TENM2: variants seen among roughly 807,000 people sequenced by gnomAD.
TENM2 encodes teneurin-2.
In TENM2, 52 loss-of-function variants were observed where a neutral mutation model predicts 245.2. The ratio of observed to expected loss-of-function variants is 0.21; its 90% confidence interval spans 0.17 to 0.27. TENM2 has a LOEUF of 0.27. Ranked by LOEUF, TENM2 falls within the 10% of genes least tolerant of loss-of-function variation. The pLI, the probability that TENM2 is intolerant of heterozygous loss-of-function variation, is 1.00. For missense variants in TENM2, 3,046 were observed against 3,666.8 expected (o/e 0.83, Z 4.37); for synonymous variants, 1,363 against 1,438.9 (o/e 0.95, Z 1.19).
chr5:167,428,690 C>A (rs910709120), intron 2 of TENM2, among the ~76,000 whole-genome samples: 4 of 152,080 alleles, frequency 2.6e-5, no homozygotes, highest in African/African-American at 9.7e-5. Context: ...AATTGAGTGG[C>A]CTTGTTTTAG....
At chr5:167,792,200 A>G (rs1323519667) in intron 2 of TENM2, among the ~76,000 whole-genome samples, 1 of 152,090 alleles carries the variant, frequency 6.6e-6, no homozygotes, top group African/African-American at 2.4e-5. Context: ...TAAGTAAATC[A>G]TAACAGCCCT....
chr5:167,883,173 A>G (rs1426900747), intron 3 of TENM2, among the ~76,000 whole-genome samples: 1 of 152,194 alleles, frequency 6.6e-6, no homozygotes. Flanking sequence ...GAGAGAAAGT[A>G]CAGCTCCACC....
At chr5:167,515,619 A>ATATATG in intron 2 of TENM2, among the ~76,000 whole-genome samples, 1 of 108,550 alleles carries the variant, frequency 9.2e-6, no homozygotes, top group Non-Finnish European at 1.9e-5. Flanking sequence ...ATATATATAT[A>ATATATG]CATATATATA....
chr5:167,505,229 T>A (rs1467821323), intron 2 of TENM2, among the ~76,000 whole-genome samples: 7 of 152,206 alleles, frequency 4.6e-5, no homozygotes, highest in Middle Eastern at 3.2e-3. Context: ...ATGTTATCAT[T>A]TTCTTGGTTT....
intron 8 of TENM2, among the ~76,000 whole-genome samples, chr5:168,097,658 G>T (rs1325965472): frequency 6.6e-6 from 1 of 151,814 alleles, no homozygotes; most frequent in Non-Finnish European, 1.5e-5. Flanking sequence ...TACCATGTTG[G>T]CCAGGCTAGT....
rs1377306864 is a variant in TENM2, at chr5:168,218,625, T to A, written c.4734T>A (p.Asn1578Lys). 6 of 1,613,938 alleles carry A rather than the reference T, an allele frequency of 3.7e-6. 1 individual carries two copies. In the Admixed American group the frequency reaches 1.0e-4, roughly 27 times the overall value. ...TCAGCAAGAACAAGCCTGTTCTTAA[T>A]GCCTTCAACCAGTATGAGGCTGCAT... The change falls in exon 23 of 29, where the codon AAT becomes AAA. Residue 1578 changes from asparagine to lysine, a missense_variant. Around this residue, in one of 2 missense-constraint regions of TENM2, gnomAD observed 2,704 missense variants for 3,331.9 expected, o/e 0.81. Coordinates refer to ENST00000518659, the Ensembl canonical transcript of TENM2. The surrounding 1 kb of genome is among the most constrained non-coding windows in gnomAD (Gnocchi z 5.2).
the TENM2 span, among the ~76,000 whole-genome samples, chr5:167,070,629 T>TGTTATTAC: frequency 6.6e-6 from 1 of 151,780 alleles, no homozygotes; most frequent in Non-Finnish European, 1.5e-5. Context: ...ATTATTATTA[T>TGTTATTAC]TGTTATTATC....
the TENM2 span, among the ~76,000 whole-genome samples, chr5:167,194,380 T>G: frequency 2.8e-4 from 42 of 152,152 alleles, no homozygotes; most frequent in African/African-American, 9.9e-4. Context: ...TGACCCACTT[T>G]AGGCAAGATT....
intron 13 of TENM2, chr5:168,187,831 G>C (rs1760610080): frequency 6.6e-6 from 1 of 152,194 alleles, no homozygotes; most frequent in Non-Finnish European, 1.5e-5. Flanking sequence ...GGTTTGCCAG[G>C]CTCCGGGGAA....
intron 13 of TENM2, among the ~76,000 whole-genome samples, chr5:168,172,067 G>A (rs1166898805): frequency 5.9e-5 from 9 of 152,198 alleles, no homozygotes; most frequent in African/African-American, 2.2e-4. Flanking sequence ...GCTCACCCAG[G>A]AACATCTGGC....
chr5:167,989,610 A>G (rs997696033), intron 4 of TENM2, among the ~76,000 whole-genome samples: 7 of 152,130 alleles, frequency 4.6e-5, no homozygotes, highest in Non-Finnish European at 1.0e-4. Context: ...TCAGGCATGG[A>G]AGGATAACCA....
At chr5:167,975,469 G>T (rs1215324351) in intron 4 of TENM2, among the ~76,000 whole-genome samples, 2 of 149,562 alleles carry the variant, frequency 1.3e-5, no homozygotes, top group Non-Finnish European at 3.0e-5. Context: ...TTTTTTTGAC[G>T]ACTGAAATAT....
intron 2 of TENM2, among the ~76,000 whole-genome samples, chr5:167,821,909 C>T (rs1242339017): frequency 6.6e-6 from 1 of 152,078 alleles, no homozygotes; most frequent in Non-Finnish European, 1.5e-5. Flanking sequence ...GCCCCGCGTA[C>T]TTCTCTCTGC....
At chr5:167,102,986 A>G in the TENM2 span, among the ~76,000 whole-genome samples, 1 of 152,116 alleles carries the variant, frequency 6.6e-6, no homozygotes, top group African/African-American at 2.4e-5. Context: ...TTGTAACGAT[A>G]TTGCTTAGAT....
the TENM2 span, among the ~76,000 whole-genome samples, chr5:167,063,862 C>A: frequency 1.3e-5 from 2 of 152,160 alleles, no homozygotes; most frequent in African/African-American, 2.4e-5. Flanking sequence ...TATATTCACA[C>A]CCTGAAAGCT....
intron 5 of TENM2, among the ~76,000 whole-genome samples, chr5:168,015,533 C>T (rs576395706): frequency 2.0e-5 from 3 of 152,286 alleles, no homozygotes; most frequent in South Asian, 4.2e-4. Flanking sequence ...GAAAGAATGC[C>T]GCAAAGAAGA....
At chr5:168,112,185 T>C (rs953686133) in intron 9 of TENM2, among the ~76,000 whole-genome samples, 4 of 152,138 alleles carry the variant, frequency 2.6e-5, no homozygotes, top group African/African-American at 9.7e-5. Context: ...AATACTTTGG[T>C]AGTTTTTGTT....
intron 12 of TENM2, among the ~76,000 whole-genome samples, chr5:168,152,811 G>C (rs976672090): frequency 3.9e-5 from 6 of 152,076 alleles, no homozygotes; most frequent in Non-Finnish European, 5.9e-5. Context: ...CAGTCCAGAG[G>C]TATCTGCTTC....
At chr5:167,872,546 A>AAGAAAG (rs1561881684) in intron 2 of TENM2, among the ~76,000 whole-genome samples, 7 of 113,724 alleles carry the variant, frequency 6.2e-5, no homozygotes, top group African/African-American at 2.9e-4. Context: ...GAAAGAAAGA[A>AAGAAAG]AGAGAAAGAA....
Sources: gnomAD v4.1 joint callset for allele counts (sites outside exome capture counted in the v4.1 genomes callset) on GRCh38, gnomAD v4.1.1 for gene constraint, gnomAD v4.1.1 regional missense constraint, Gnocchi (gnomAD v3.1) non-coding constraint, MANE v1.5 for transcripts, NCBI Gene and HGNC (gene_info 2026-07-23, HGNC 2026-07-21) for gene names.